ROBO2: variants seen among roughly 807,000 people sequenced by gnomAD.
The protein encoded by ROBO2 is roundabout guidance receptor 2, also known as roundabout homolog 2.
Under a neutral mutation model 160.8 loss-of-function variants are expected in ROBO2, and 53 were observed. The ratio of observed to expected loss-of-function variants is 0.33; its 90% confidence interval spans 0.26 to 0.41. The LOEUF is 0.41. ROBO2 is among the 10% of genes least tolerant of loss of function. The pLI is 1.00. For synonymous variants in ROBO2, 664 were observed against 611.7 expected (o/e 1.09, Z -1.26); for missense variants, 1,577 against 1,722.4 (o/e 0.92, Z 1.49).
chr3:76,413,565 C>T (rs2075604161), intron 2 of ROBO2, among the ~76,000 whole-genome samples: 2 of 152,136 alleles, frequency 1.3e-5, no homozygotes, highest in African/African-American at 4.8e-5. Flanking sequence ...CCACAAATCT[C>T]TAAGGCAGGG....
At chr3:77,310,292 G>A (rs558914278) in intron 2 of ROBO2, among the ~76,000 whole-genome samples, 122 of 152,122 alleles carry the variant, frequency 8.0e-4, no homozygotes, top group Non-Finnish European at 1.5e-3. Flanking sequence ...AAAAGTTTTG[G>A]GTAAAAGTAA....
At chr3:77,273,866 T>C (rs1008751439) in intron 2 of ROBO2, among the ~76,000 whole-genome samples, 1 of 152,138 alleles carries the variant, frequency 6.6e-6, no homozygotes, top group Admixed American at 6.6e-5. Flanking sequence ...GTCATGAATG[T>C]CAAGACTCAT....
At chr3:77,104,974 T>A (rs1411203152) in intron 2 of ROBO2, among the ~76,000 whole-genome samples, 1 of 152,208 alleles carries the variant, frequency 6.6e-6, no homozygotes, top group African/African-American at 2.4e-5. Flanking sequence ...AGTCTTCACT[T>A]CATTTTCTGT....
At chr3:77,562,852 A>T (rs2093366896) in intron 10 of ROBO2, 120 bp downstream of exon 11, 1 of 774,972 alleles carries the variant, frequency 1.3e-6, no homozygotes, top group African/African-American at 1.7e-5. Flanking sequence ...TAGCCTTTAC[A>T]TTCAATGCCA....
intron 2 of ROBO2, among the ~76,000 whole-genome samples, chr3:76,219,128 G>A (rs1365763930): frequency 6.6e-6 from 1 of 152,238 alleles, no homozygotes; most frequent in South Asian, 2.1e-4. Flanking sequence ...AGTTGAAACT[G>A]GATCCCTTCC....
chr3:76,683,397 A>T (rs1362204171), intron 2 of ROBO2, among the ~76,000 whole-genome samples: 1 of 149,482 alleles, frequency 6.7e-6, no homozygotes, highest in Non-Finnish European at 1.5e-5. Context: ...CAGTTGCTTC[A>T]GTATAATATG....
intron 2 of ROBO2, among the ~76,000 whole-genome samples, chr3:76,279,964 A>T (rs1708144279): frequency 6.6e-6 from 1 of 151,884 alleles, no homozygotes. Flanking sequence ...CATTCTTGCT[A>T]CTGCTTTCGG....
chr3:76,588,698 G>T (rs952044830), intron 2 of ROBO2, among the ~76,000 whole-genome samples: 3 of 152,156 alleles, frequency 2.0e-5, no homozygotes, highest in Non-Finnish European at 4.4e-5. Flanking sequence ...CACAAAGTGA[G>T]ATATATAACT....
At chr3:77,462,300 T>A (rs1043334076) in intron 2 of ROBO2, among the ~76,000 whole-genome samples, 1 of 152,194 alleles carries the variant, frequency 6.6e-6, no homozygotes, top group Non-Finnish European at 1.5e-5. Context: ...ATGTCTCTTG[T>A]GCCTAGCTCG....
chr3:76,319,844 G>T (rs1363701323), intron 2 of ROBO2, among the ~76,000 whole-genome samples: 1 of 151,596 alleles, frequency 6.6e-6, no homozygotes, highest in Non-Finnish European at 1.5e-5. Flanking sequence ...ATTGAATATA[G>T]GTTATAATTT....
intron 2 of ROBO2, among the ~76,000 whole-genome samples, chr3:77,275,630 C>A (rs913608807): frequency 6.6e-6 from 1 of 151,942 alleles, no homozygotes; most frequent in African/African-American, 2.4e-5. Flanking sequence ...TTTCTTTATC[C>A]CTCTTTATTT....
chr3:76,753,474 A>G (rs2060793248), intron 2 of ROBO2, among the ~76,000 whole-genome samples: 1 of 151,874 alleles, frequency 6.6e-6, no homozygotes, highest in African/African-American at 2.4e-5. Flanking sequence ...CATCCACAGT[A>G]TGCTTCCTTA....
At chr3:77,219,773 A>T (rs2151185403) in intron 2 of ROBO2, among the ~76,000 whole-genome samples, 1 of 151,778 alleles carries the variant, frequency 6.6e-6, no homozygotes, top group African/African-American at 2.4e-5. Flanking sequence ...TGCAAATGTT[A>T]GCCCTTTACT....
chr3:76,897,712 C>CTT (rs11298034), intron 2 of ROBO2, among the ~76,000 whole-genome samples: 31 of 145,452 alleles, frequency 2.1e-4, no homozygotes, highest in South Asian at 1.1e-3. Flanking sequence ...GTGGCCCTCA[C>CTT]TTTTTTTTTT....
intron 2 of ROBO2, among the ~76,000 whole-genome samples, chr3:76,047,076 G>A (rs2067477541): frequency 6.6e-6 from 1 of 152,116 alleles, no homozygotes; most frequent in South Asian, 2.1e-4. Flanking sequence ...ACAACCATAG[G>A]ATCTCTATCG....
intron 2 of ROBO2, among the ~76,000 whole-genome samples, chr3:77,392,508 T>C (rs978952623): frequency 6.6e-6 from 1 of 152,210 alleles, no homozygotes; most frequent in Non-Finnish European, 1.5e-5. Context: ...TTGTTCTTGT[T>C]TAACATAACC....
At chr3:76,624,268 C>G (rs944621483) in intron 2 of ROBO2, among the ~76,000 whole-genome samples, 1 of 152,092 alleles carries the variant, frequency 6.6e-6, no homozygotes, top group African/African-American at 2.4e-5. Flanking sequence ...GTCTTAGGGT[C>G]AAGAACGGGC....
intron 2 of ROBO2, among the ~76,000 whole-genome samples, chr3:76,339,978 C>T (rs2074119617): frequency 6.6e-6 from 1 of 151,696 alleles, no homozygotes; most frequent in Admixed American, 6.6e-5. Context: ...ATTAATTCAT[C>T]TTTACTATAA....
At chr3:76,591,118 G>T (rs2108825946) in intron 2 of ROBO2, among the ~76,000 whole-genome samples, 1 of 152,158 alleles carries the variant, frequency 6.6e-6, no homozygotes, top group South Asian at 2.1e-4. Flanking sequence ...ATGACTGGAA[G>T]CCTTACTGAT....
Sources: allele counts gnomAD v4.1 joint callset (sites outside exome capture counted in the v4.1 genomes callset), GRCh38; gene constraint gnomAD v4.1.1; transcripts MANE v1.5; gene names NCBI Gene and HGNC (gene_info 2026-07-23, HGNC 2026-07-21).